CGNL1: variants seen among roughly 807,000 people sequenced by gnomAD.
CGNL1 encodes the protein cingulin like 1.
A neutral mutation model predicts 141.2 loss-of-function variants in CGNL1; 132 were observed. The observed-to-expected ratio is 0.93, with a 90% CI of 0.81 to 1.08. The LOEUF (loss-of-function observed/expected upper bound fraction) is 1.08. Among genes scored for constraint, CGNL1 ranks in the 50% least tolerant of loss-of-function variants. CGNL1 has a pLI of 0.00. For synonymous variants in CGNL1, 690 were observed against 622.1 expected, an observed-to-expected ratio of 1.11 and a Z score of -1.63; for missense variants, 1,870 against 1,588.6, an observed-to-expected ratio of 1.18 and a Z score of -3.01.
At chr15:57,410,696 C>G (rs144144324) in intron 1 of CGNL1, among the ~76,000 whole-genome samples, 1 of 152,204 alleles carries the variant, frequency 6.6e-6, no homozygotes, top group Non-Finnish European at 1.5e-5. Context: ...GCTATATTAT[C>G]TGCTAAACTA....
chr15:57,462,343 A>G (rs779944132), intron 8 of CGNL1, among the ~76,000 whole-genome samples: 1 of 152,184 alleles, frequency 6.6e-6, no homozygotes, highest in African/African-American at 2.4e-5. Context: ...TTGTTGGACA[A>G]TTCAGGTTCT....
At chr15:57,391,938 T>C (rs1204958558) in intron 1 of CGNL1, among the ~76,000 whole-genome samples, 1 of 146,776 alleles carries the variant, frequency 6.8e-6, no homozygotes, top group Non-Finnish European at 1.5e-5. Flanking sequence ...TCCCATTTTT[T>C]TGTTCGCAAA....
intron 8 of CGNL1, among the ~76,000 whole-genome samples, chr15:57,497,116 T>C (rs1177967018): frequency 3.9e-5 from 6 of 152,206 alleles, no homozygotes; most frequent in Non-Finnish European, 7.3e-5. Flanking sequence ...GGCTGGGGAC[T>C]GATATCCCAG....
In CGNL1 at chr15:57,439,599, C is replaced by T. The variant is rs577522977; in HGVS notation, c.1600C>T (p.Gln534Ter). The T allele has an allele frequency of 2.5e-6, 4 of 1,612,796 alleles. No individual in the cohort carries two copies. The highest frequency in any genetic ancestry group is 1.3e-5 in the African/African-American group (1 of 75,004). The change falls in exon 2 of 19, where the codon CAG (glutamine) becomes TAG (stop). Residue 534 changes from glutamine to a stop codon, truncating the protein, a stop_gained and splice_region_variant. Transcript: ENST00000281282. LOFTEE classifies it high-confidence loss of function. Reference sequence around the variant, plus strand: ...GACATTTCCTTCGGCCTCAAATACTCAGGTAACACTAGTGCGATTCCTGTT... The same window carrying T: ...GACATTTCCTTCGGCCTCAAATACTTAGGTAACACTAGTGCGATTCCTGTT... Reference protein sequence around the residue: ...VKTFPSASNTQATPDLLKGQQ... With the variant: ...VKTFPSASNT
At chr15:57,431,299 GT>G (rs1452518475) in intron 1 of CGNL1, among the ~76,000 whole-genome samples, 2 of 152,154 alleles carry the variant, frequency 1.3e-5, no homozygotes, top group Non-Finnish European at 1.5e-5. Flanking sequence ...TTTTGAAATT[GT>G]TTTCCCAGGG....
At chr15:57,387,547 G>T (rs2062496967) in intron 1 of CGNL1, among the ~76,000 whole-genome samples, 1 of 152,160 alleles carries the variant, frequency 6.6e-6, no homozygotes, top group East Asian at 1.9e-4. Context: ...GAAAGAATTA[G>T]CAGCAGGAGC....
Position 57,541,492 on chromosome 15 carries a change from C to A in CGNL1, c.3292-2204C>A, listed in dbSNP as rs144196055. On this transcript the variant is annotated intron_variant, in intron 14 of 18. Transcript: ENST00000281282. Reference sequence around the variant, plus strand: ...AGCAATTGTTCTGGTGCCCTCTTTGCAGTGTGTGATTCGTGAGGGCCCTGG... The same window carrying A: ...AGCAATTGTTCTGGTGCCCTCTTTGAAGTGTGTGATTCGTGAGGGCCCTGG... 1.1e-3 allele frequency among the ~76,000 whole-genome samples: 167 copies of A among 152,314 alleles called. 1 individual carries two copies. Among genetic ancestry groups the A allele is most frequent in the African/African-American group, 3.7e-3 (155 of 41,564 alleles).
intron 8 of CGNL1, among the ~76,000 whole-genome samples, chr15:57,475,530 TGTGTGTTTTC>T (rs2063644013): frequency 7.4e-6 from 1 of 134,594 alleles, no homozygotes; most frequent in Admixed American, 7.7e-5. Flanking sequence ...TGTGTGTGTG[TGTGTGTTTTC>T]TTTTCTTCTC....
chr15:57,417,487 G>C (rs1432586836), intron 1 of CGNL1, among the ~76,000 whole-genome samples: 1 of 152,268 alleles, frequency 6.6e-6, no homozygotes, highest in African/African-American at 2.4e-5. Context: ...ACCTGCCTTG[G>C]CCTCCTAAAA....
At chr15:57,435,096 A>G (rs1268759664) in intron 1 of CGNL1, among the ~76,000 whole-genome samples, 9 of 152,170 alleles carry the variant, frequency 5.9e-5, no homozygotes, top group African/African-American at 2.2e-4. Context: ...AGTTGAGGGA[A>G]AGATTTAAGG....
intron 1 of CGNL1, among the ~76,000 whole-genome samples, chr15:57,386,527 G>A (rs1424156764): frequency 6.6e-6 from 1 of 152,168 alleles, no homozygotes; most frequent in African/African-American, 2.4e-5. Context: ...CTGCAGCAGG[G>A]TGTGTGATTC....
chr15:57,496,417 C>T (rs1384820419), intron 8 of CGNL1, among the ~76,000 whole-genome samples: 8 of 152,014 alleles, frequency 5.3e-5, no homozygotes, highest in East Asian at 1.9e-4. Flanking sequence ...ACTGTGCATG[C>T]GAGGGATCTA....
chr15:57,389,310 C>G (rs2062517308), intron 1 of CGNL1, among the ~76,000 whole-genome samples: 1 of 152,062 alleles, frequency 6.6e-6, no homozygotes, highest in African/African-American at 2.4e-5. Context: ...AAAAAACAAA[C>G]CAAAAAAACC....
intron 1 of CGNL1, among the ~76,000 whole-genome samples, chr15:57,421,326 A>G (rs1339380198): frequency 6.6e-6 from 1 of 152,222 alleles, no homozygotes; most frequent in Non-Finnish European, 1.5e-5. Flanking sequence ...TGACTGATAC[A>G]CCATTATATA....
chr15:57,491,852 A>G (rs1318865336), intron 8 of CGNL1, among the ~76,000 whole-genome samples: 3 of 151,404 alleles, frequency 2.0e-5, no homozygotes, highest in Non-Finnish European at 2.9e-5. Context: ...ACTGGGACCA[A>G]CTCCCCTCCT....
intron 1 of CGNL1, among the ~76,000 whole-genome samples, chr15:57,427,745 C>A (rs574562855): frequency 4.5e-4 from 52 of 115,384 alleles, no homozygotes; most frequent in Non-Finnish European, 4.5e-4. Context: ...CTTGTTATAG[C>A]TGGCATTGCT....
At chr15:57,395,875 T>A (rs543113151) in intron 1 of CGNL1, among the ~76,000 whole-genome samples, 15 of 150,884 alleles carry the variant, frequency 9.9e-5, no homozygotes, top group Non-Finnish European at 1.5e-4. Flanking sequence ...ACATTTTTTT[T>A]AATTCATAAA....
chr15:57,488,191 G>T (rs576984265), intron 8 of CGNL1, among the ~76,000 whole-genome samples: 1 of 152,226 alleles, frequency 6.6e-6, no homozygotes, highest in South Asian at 2.1e-4. Flanking sequence ...TTGGCCGTTT[G>T]TATGTCTTCT....
rs1595720813 is a variant in CGNL1 at position 57,453,933 on chromosome 15, G to A, written c.2190+115G>A. 5 of 1,190,294 alleles carry A rather than the reference G, an allele frequency of 4.2e-6. No homozygotes were observed. In the Middle Eastern group the frequency reaches 8.8e-4, roughly 209 times the overall value. 73.7% of individuals were successfully genotyped at this position (1,190,294 alleles called of 1,614,324 possible). ...TCTGATGTGCACACCTGCTCCACCTGTGCTCTTATGATCTGTGAGTCAGTG... is the reference window on the plus strand; with the variant it reads ...TCTGATGTGCACACCTGCTCCACCTATGCTCTTATGATCTGTGAGTCAGTG... On this transcript the variant is annotated intron_variant, in intron 7 of 18. Transcript: ENST00000281282.
Sources: gnomAD v4.1 joint callset for allele counts (sites outside exome capture counted in the v4.1 genomes callset) on GRCh38, gnomAD v4.1.1 for gene constraint, MANE v1.5 for transcripts, NCBI Gene and HGNC (gene_info 2026-07-23, HGNC 2026-07-21) for gene names.